Variants in SYNPO2 observed in about 807,000 individuals in gnomAD.
The protein encoded by SYNPO2 is synaptopodin 2, also known as synaptopodin-2.
Under a neutral mutation model 85.0 loss-of-function variants are expected in SYNPO2, and 56 were observed. The ratio of observed to expected loss-of-function variants is 0.66; its 90% CI spans 0.53 to 0.82. SYNPO2 has a LOEUF of 0.82. SYNPO2 is among the 40% of genes least tolerant of loss of function. The pLI is 0.00. For synonymous variants in SYNPO2, 602 were observed against 591.1 expected (o/e 1.02, Z -0.27); for missense variants, 1,575 against 1,534.2 (o/e 1.03, Z -0.44).
chr4:118,899,906 C>T (rs1453333251), intron 1 of SYNPO2, among the ~76,000 whole-genome samples: 3 of 152,096 alleles, frequency 2.0e-5, no homozygotes, highest in Non-Finnish European at 4.4e-5. Flanking sequence ...GGATTACAGG[C>T]ACCTGCCACC....
intron 4 of SYNPO2, chr4:119,042,442 G>A (rs1029964260): frequency 2.6e-5 from 4 of 152,232 alleles, no homozygotes; most frequent in Non-Finnish European, 5.9e-5. Context: ...TTGGGCCCTA[G>A]ACTCTGTTAT....
chr4:118,886,826 G>GGTCT (rs58439895), upstream of SYNPO2, among the ~76,000 whole-genome samples: 39,657 of 151,734 alleles, frequency 0.26, 5,902 homozygotes, highest in Non-Finnish European at 0.34. Context: ...ACCTTCAAAG[G>GGTCT]GTCTCTTCCA....
chr4:118,859,104 G>A (rs915042440), intron 1 of SYNPO2, among the ~76,000 whole-genome samples: 10 of 152,094 alleles, frequency 6.6e-5, no homozygotes, highest in Non-Finnish European at 4.4e-5. Flanking sequence ...GGCTTTTATC[G>A]ACACCAAAGA....
intron 1 of SYNPO2, among the ~76,000 whole-genome samples, chr4:118,878,605 C>T (rs1327401815): frequency 1.3e-5 from 2 of 152,104 alleles, no homozygotes; most frequent in African/African-American, 2.4e-5. Context: ...TCTGTAAAAA[C>T]GCACCAATCA....
At chr4:118,997,239 C>CAAAAAAAAAAAAAAA (rs1434428754) in intron 1 of SYNPO2, among the ~76,000 whole-genome samples, 3,474 of 63,882 alleles carry the variant, frequency 0.054, 161 homozygotes, top group Non-Finnish European at 0.075. Flanking sequence ...GACTCCGTCT[C>CAAAAAAAAAAAAAAA]AAAAAAAAAA....
chr4:118,980,529 C>CA lies in SYNPO2; in HGVS notation c.106-42900dup, dbSNP rs1237835296. Among the ~76,000 whole-genome samples the CA allele has an allele frequency of 7.2e-5, 11 of 152,086 alleles. No individual in the cohort carries two copies. The South Asian group carries it at 8.3e-4, about 11-fold the overall frequency. ...TCCCCCCTTCCCCAGCACACACCCA[C>CA]ACATGCCATCATTCCACCGACTGGA... On this transcript the variant is annotated intron_variant, in intron 1 of 4. Transcript: ENST00000307142.
intron 4 of SYNPO2, chr4:119,034,721 C>G (rs771921518): frequency 1.0e-6 from 1 of 985,510 alleles, no homozygotes; most frequent in Middle Eastern, 5.2e-4. Flanking sequence ...CTAACCAGCT[C>G]CCTGGAGTAA....
At chr4:118,857,437 C>A (rs889969209) in intron 1 of SYNPO2, among the ~76,000 whole-genome samples, 1 of 152,016 alleles carries the variant, frequency 6.6e-6, no homozygotes, top group Admixed American at 6.6e-5. Context: ...TAAATGATAA[C>A]CTCAAAGGCT....
At position 118,951,174 on chromosome 4, in the gene SYNPO2, G is replaced by T. The variant is rs557469735; in HGVS notation, c.105+62033G>T. Among the ~76,000 whole-genome samples, 7 of 152,282 alleles carry T rather than the reference G, an allele frequency of 4.6e-5. No homozygotes were observed. The South Asian group carries it at 1.5e-3, about 32-fold the overall frequency. The stretch of plus-strand genomic sequence containing the variant: ...TTTCTATTACCACAGATCTTAGTTT[G>T]TCTGTGCTGCTAAAAATACCACGGT... On this transcript the variant is annotated intron_variant, in intron 1 of 4. Transcript: ENST00000307142.
intron 1 of SYNPO2, among the ~76,000 whole-genome samples, chr4:119,004,620 C>A (rs1736955362): frequency 6.8e-6 from 1 of 146,116 alleles, no homozygotes; most frequent in African/African-American, 2.5e-5. Flanking sequence ...TTAATCCAGT[C>A]TATCATTGTT....
At chr4:118,987,016 C>T (rs1736245119) in intron 1 of SYNPO2, among the ~76,000 whole-genome samples, 1 of 152,174 alleles carries the variant, frequency 6.6e-6, no homozygotes, top group Admixed American at 6.5e-5. Flanking sequence ...CACAGTTTTG[C>T]TGAATTATGC....
intron 1 of SYNPO2, among the ~76,000 whole-genome samples, chr4:118,997,132 T>C (rs1297831395): frequency 4.9e-5 from 7 of 143,738 alleles, no homozygotes; most frequent in East Asian, 2.1e-4. Flanking sequence ...CCCAGCTACT[T>C]GGGAGGCTGA....
At chr4:119,039,977 G>A (rs1404006273) in intron 4 of SYNPO2, among the ~76,000 whole-genome samples, 2 of 152,266 alleles carry the variant, frequency 1.3e-5, no homozygotes, top group Middle Eastern at 6.8e-3. Flanking sequence ...TCCCAGGCCT[G>A]CCTCCTGCTG....
intron 1 of SYNPO2, among the ~76,000 whole-genome samples, chr4:118,864,866 C>G (rs1731673863): frequency 6.6e-6 from 1 of 151,942 alleles, no homozygotes; most frequent in Non-Finnish European, 1.5e-5. Flanking sequence ...TTTTGCAGGC[C>G]AAGTTACAAT....
chr4:118,962,701 T>C (rs1480669503), intron 1 of SYNPO2, among the ~76,000 whole-genome samples: 1 of 152,158 alleles, frequency 6.6e-6, no homozygotes, highest in Non-Finnish European at 1.5e-5. Context: ...ATTGGCAAAA[T>C]CAAGAACTGG....
intron 4 of SYNPO2, among the ~76,000 whole-genome samples, chr4:119,051,390 C>T (rs371270219): frequency 6.6e-6 from 1 of 150,788 alleles, no homozygotes; most frequent in East Asian, 2.0e-4. Flanking sequence ...GGGGTTTCAC[C>T]GTTTTTTAGC....
rs746304837 is a variant in SYNPO2, at chr4:119,057,569, G to A, written c.3421G>A (p.Gly1141Ser). Residue 1141 changes from glycine (G) to serine (S), a missense_variant, in exon 5 of 5, where the codon GGT becomes AGT. Physicochemically the swap from Gly to Ser is moderately conservative, Grantham distance 56 (BLOSUM62 0). Transcript: ENST00000307142. ...GGAAGCAGCAGCAAAGTCTCCTCTCGGTCTAGTGGATGATGCTTTCCAACC... is the reference window on the plus strand; with the variant it reads ...GGAAGCAGCAGCAAAGTCTCCTCTCAGTCTAGTGGATGATGCTTTCCAACC... ...PWEAAAKSPL[G>S]LVDDAFQPRN... 2.4e-5 allele frequency: 39 copies of A among 1,613,960 alleles called. No homozygotes were observed. Among genetic ancestry groups the A allele is most frequent in the Admixed American group, 6.7e-5 (4 of 59,982 alleles).
Position 119,031,079 on chromosome 4 carries a change from A to T in SYNPO2, c.2304A>T (p.Ser768=). 1 of 1,614,018 alleles carries T rather than the reference A, an allele frequency of 6.2e-7. No individual in the cohort carries two copies. ...CTCCAAAACCTGCAGTCAAGTCCTC[A>T]TCCTCCCAACCAGTAACTCCAGTTT... ...PVAPKPAVKS[S]SSQPVTPVSP... Residue 768 remains serine, a synonymous_variant, in exon 4 of 5, where the codon TCA becomes TCT. Transcript: ENST00000307142.
At chr4:118,868,489 T>G (rs1731742944) in intron 1 of SYNPO2, among the ~76,000 whole-genome samples, 1 of 152,186 alleles carries the variant, frequency 6.6e-6, no homozygotes. Flanking sequence ...ACATCAATGT[T>G]TTGATAAAGA....
Sources: gnomAD v4.1 joint callset for allele counts (sites outside exome capture counted in the v4.1 genomes callset) on GRCh38, gnomAD v4.1.1 for gene constraint, MANE v1.5 for transcripts, NCBI Gene and HGNC (gene_info 2026-07-23, HGNC 2026-07-21) for gene names.